Variants in ROR1 observed in about 807,000 individuals in gnomAD.
The protein encoded by ROR1 is inactive tyrosine-protein kinase transmembrane receptor ROR1.
Under a neutral mutation model 78.8 loss-of-function variants are expected in ROR1, and 19 were observed. The ratio of observed to expected loss-of-function variants is 0.24; its 90% confidence interval spans 0.17 to 0.35. The LOEUF is 0.35. Among genes scored for constraint, ROR1 ranks in the 10% least tolerant of loss-of-function variants. The pLI, the probability that ROR1 is intolerant of heterozygous loss-of-function variation, is 1.00. For missense variants in ROR1, 917 were observed against 1,177.8 expected (o/e 0.78, Z 3.24); for synonymous variants, 386 against 433.6 (o/e 0.89, Z 1.36).
intron 4 of ROR1, among the ~76,000 whole-genome samples, chr1:64,059,660 GAT>G (rs1398593069): frequency 6.9e-6 from 1 of 144,026 alleles, no homozygotes; most frequent in Non-Finnish European, 1.5e-5. Context: ...AGTGAACCGA[GAT>G]CATTCCACTA....
intron 1 of ROR1, among the ~76,000 whole-genome samples, chr1:63,862,454 A>G (rs1645188045): frequency 6.6e-6 from 1 of 151,970 alleles, no homozygotes; most frequent in African/African-American, 2.4e-5. Context: ...ATACATTTCA[A>G]GAGGCTTACT....
intron 1 of ROR1, among the ~76,000 whole-genome samples, chr1:63,999,237 G>A (rs1253065142): frequency 2.6e-5 from 4 of 152,222 alleles, no homozygotes; most frequent in Non-Finnish European, 2.9e-5. Context: ...AGACAGATAC[G>A]TGATTATGAC....
chr1:64,101,444 T>C (rs1423683129), intron 4 of ROR1, among the ~76,000 whole-genome samples: 3 of 152,144 alleles, frequency 2.0e-5, no homozygotes, highest in African/African-American at 7.2e-5. Context: ...TAACCCATCA[T>C]GCGTGGTGGG....
At chr1:64,071,880 A>G (rs1033504201) in intron 4 of ROR1, among the ~76,000 whole-genome samples, 2 of 152,190 alleles carry the variant, frequency 1.3e-5, no homozygotes, top group Non-Finnish European at 2.9e-5. Context: ...GGAAGAGCCA[A>G]TAAGGAGGGT....
In ROR1 at chr1:64,052,966, G is replaced by A. The variant is rs1646845519; in HGVS notation, c.482+2250G>A. ...AGACTAACTCCCAGAAAGAATGCTG[G>A]TTCCCATGCCTAGCTTCGGAGTAGC... On this transcript the variant is annotated intron_variant, in intron 4 of 8. Transcript: ENST00000371079. Among the ~76,000 whole-genome samples the A allele has an allele frequency of 3.9e-5, 6 of 152,032 alleles. No individual in the cohort carries two copies. The South Asian group carries it at 1.2e-3, about 32-fold the overall frequency.
rs568663369 is a variant in ROR1 at position 63,959,961 on chromosome 1, T to C, written c.92-49344T>C. ...CATTTTAAATGACCCATTTTGAGCA[T>C]CACCTCCCACGAGAAGGCCTCTCTA... On this transcript the variant is annotated intron_variant, in intron 1 of 8. Coordinates refer to ENST00000371079, the MANE Select transcript of ROR1 (RefSeq NM_005012.4). Among the ~76,000 whole-genome samples the C allele has an allele frequency of 3.9e-5, 6 of 152,358 alleles. No individual in the cohort carries two copies. In the South Asian group the frequency reaches 1.2e-3, roughly 32 times the overall value.
chr1:64,131,899 G>A (rs767672694), intron 4 of ROR1, among the ~76,000 whole-genome samples: 3 of 152,150 alleles, frequency 2.0e-5, no homozygotes, highest in Non-Finnish European at 4.4e-5. Context: ...GGGATTATAG[G>A]CATGAGCCAC....
intron 1 of ROR1, among the ~76,000 whole-genome samples, chr1:63,830,481 G>C (rs1392093347): frequency 6.6e-6 from 1 of 152,178 alleles, no homozygotes; most frequent in African/African-American, 2.4e-5. Context: ...GGAGGAGAGA[G>C]AGAGTGCTAA....
intron 4 of ROR1, among the ~76,000 whole-genome samples, chr1:64,064,445 A>G (rs950572917): frequency 4.6e-5 from 7 of 152,212 alleles, no homozygotes; most frequent in African/African-American, 1.7e-4. Flanking sequence ...AAGAAACTAT[A>G]TGACACAGGG....
chr1:64,030,864 G>GGT (rs1420427263), intron 2 of ROR1, among the ~76,000 whole-genome samples: 2 of 151,724 alleles, frequency 1.3e-5, no homozygotes, highest in South Asian at 2.1e-4. Flanking sequence ...GTGAATTAGG[G>GGT]GTGTGTGTGT....
At chr1:63,853,108 A>T (rs1031629763) in intron 1 of ROR1, among the ~76,000 whole-genome samples, 3 of 152,176 alleles carry the variant, frequency 2.0e-5, no homozygotes, top group Non-Finnish European at 4.4e-5. Context: ...AAGGGAAAAG[A>T]TGTCTAATAT....
chr1:63,953,632 A>G (rs940756130), intron 1 of ROR1, among the ~76,000 whole-genome samples: 2 of 152,156 alleles, frequency 1.3e-5, no homozygotes, highest in Non-Finnish European at 2.9e-5. Context: ...AGTGCTTGGC[A>G]CCTAGTAGGT....
intron 1 of ROR1, among the ~76,000 whole-genome samples, chr1:63,963,782 G>A (rs1455056888): frequency 3.3e-5 from 5 of 152,002 alleles, no homozygotes; most frequent in Admixed American, 2.6e-4. Flanking sequence ...CTCCTAAAAG[G>A]TGAAGAGGAA....
At chr1:64,002,755 A>C (rs1038466951) in intron 1 of ROR1, among the ~76,000 whole-genome samples, 1 of 152,122 alleles carries the variant, frequency 6.6e-6, no homozygotes, top group Non-Finnish European at 1.5e-5. Context: ...TCCTCTCCTC[A>C]CCTTGTGCTG....
chr1:63,955,478 G>C (rs1645973644), intron 1 of ROR1, among the ~76,000 whole-genome samples: 1 of 152,108 alleles, frequency 6.6e-6, no homozygotes, highest in Non-Finnish European at 1.5e-5. Context: ...TTTAAGAACA[G>C]ATAAGTTATC....
chr1:63,890,993 A>G lies in ROR1; in HGVS notation c.91+116485A>G, dbSNP rs1026345866. 1.4e-4 allele frequency among the ~76,000 whole-genome samples: 21 copies of G among 152,266 alleles called. 1 individual carries two copies. The highest frequency in any genetic ancestry group is 4.8e-4 in the African/African-American group (20 of 41,550). ...CCATGACTAATAGTGTTTTAAAACT[A>G]TATTTTTCTGCCTGGTGTTCATCAT... On this transcript the variant is annotated intron_variant, in intron 1 of 8. Transcript: ENST00000371079.
At chr1:63,948,109 G>T (rs577695927) in intron 1 of ROR1, among the ~76,000 whole-genome samples, 1 of 152,232 alleles carries the variant, frequency 6.6e-6, no homozygotes, top group South Asian at 2.1e-4. Context: ...GTAAGTTACT[G>T]ACGTGGAATT....
intron 2 of ROR1, among the ~76,000 whole-genome samples, chr1:64,013,749 G>GGGTA (rs1280846968): frequency 5.9e-5 from 9 of 152,198 alleles, no homozygotes; most frequent in African/African-American, 2.2e-4. Flanking sequence ...TACCGTATTA[G>GGGTA]CCTATGTCTA....
At chr1:63,840,281 G>GTTTTTT (rs35330369) in intron 1 of ROR1, among the ~76,000 whole-genome samples, 1 of 139,678 alleles carries the variant, frequency 7.2e-6, no homozygotes, top group Non-Finnish European at 1.5e-5. Flanking sequence ...TTGTCGTTTA[G>GTTTTTT]TTTTTTTTTT....
Sources: allele counts gnomAD v4.1 joint callset (sites outside exome capture counted in the v4.1 genomes callset), GRCh38; gene constraint gnomAD v4.1.1; transcripts MANE v1.5; gene names NCBI Gene and HGNC (gene_info 2026-07-23, HGNC 2026-07-21).